Variants in TRIM52 observed in about 807,000 individuals in gnomAD.
TRIM52 encodes the protein E3 ubiquitin-protein ligase TRIM52.
Under a neutral mutation model 27.0 loss-of-function variants are expected in TRIM52, and 24 were observed. That is an observed-to-expected ratio of 0.89 (90% CI 0.64 to 1.25). TRIM52 has a LOEUF of 1.25. TRIM52 is among the 50% of genes most tolerant of loss of function. The probability of loss-of-function intolerance (pLI) is 0.00; values close to 1 mark genes in which losing one functional copy is unlikely to be tolerated. For synonymous variants in TRIM52, 125 were observed against 126.5 expected, an observed-to-expected ratio of 0.99 and a Z score of 0.08; for missense variants, 351 against 354.7, an observed-to-expected ratio of 0.99 and a Z score of 0.08.
At position 181,255,615 on chromosome 5, in the gene TRIM52, A is replaced by T. The variant is rs1759744236; in HGVS notation, c.*1194T>A. 6.6e-6 allele frequency: 1 copy of T among 152,212 alleles called. No individual in the cohort carries two copies. The highest frequency in any genetic ancestry group is 1.5e-5 in the Non-Finnish European group (1 of 68,034). The allele number at this position is 152,212 out of a possible 1,614,324, so 9.4% of individuals were successfully genotyped here. ...TTTTCCCTTCAAATAACACTCATGAATCTGGTCCTTGAAAGACTAGCCAAG... is the reference window on the plus strand; with the variant it reads ...TTTTCCCTTCAAATAACACTCATGATTCTGGTCCTTGAAAGACTAGCCAAG... On this transcript the variant is annotated 3_prime_UTR_variant, in exon 2 of 2. Coordinates refer to ENST00000688015, the MANE Select transcript of TRIM52 (RefSeq NM_001346048.2).
rs767808891 is a variant in TRIM52, at chr5:181,260,514, A to G, written c.300T>C (p.Asp100=). 6.2e-6 allele frequency: 10 copies of G among 1,613,194 alleles called. No homozygotes were observed. In the East Asian group the frequency reaches 2.0e-4, roughly 32 times the overall value. ...TGTCACCGAGCCAGAGTTCATCGTC[A>G]TCTTGGTCTTGGAACAACTCTTCGT... ...NADEELFQDQ[D]DDELWLGDSG... Residue 100 remains aspartate, a synonymous_variant, in exon 1 of 2, where the codon GAT becomes GAC. Transcript: ENST00000688015. This position sits in a 1 kb window ranked among gnomAD's most constrained non-coding sequence, Gnocchi z 4.4.
chr5:181,257,540 A>G (rs1172094041), intron 1 of TRIM52: 4 of 1,475,318 alleles, frequency 2.7e-6, no homozygotes, highest in Non-Finnish European at 3.8e-6. Flanking sequence ...AACAAAGTAT[A>G]TGAAAGATAA....
downstream of TRIM52, among the ~76,000 whole-genome samples, chr5:181,250,261 C>G (rs1000258615): frequency 6.6e-6 from 1 of 151,952 alleles, no homozygotes; most frequent in African/African-American, 2.4e-5. Flanking sequence ...GATGGCCGGG[C>G]GCGGTGGTTC....
chr5:181,261,064 T>A lies in TRIM52; in HGVS notation c.-251A>T. ...CCCCCAGCTGCTCGGTCCTGTCACG[T>A]CTCTCGCTACCCTCAGGGTGTGCCC... On this transcript the variant is annotated 5_prime_UTR_variant, in exon 1 of 2. Coordinates refer to ENST00000688015, the MANE Select transcript of TRIM52 (RefSeq NM_001346048.2). The A allele has an allele frequency of 2.0e-6, 1 of 500,712 alleles. No individual in the cohort carries two copies. The allele number at this position is 500,712 out of a possible 1,614,324, so 31.0% of individuals were successfully genotyped here. A position where few individuals can be genotyped will look rare whatever the true frequency, so the allele number is the denominator to read the frequency against.
chr5:181,259,881 T>C, intron 1 of TRIM52, 120 bp downstream of exon 1: 12 of 1,565,214 alleles, frequency 7.7e-6, no homozygotes, highest in Admixed American at 1.8e-5. Context: ...CCTCATCAAA[T>C]AAAGAGAAGT....
Position 181,256,767 on chromosome 5 carries a change from A to G in TRIM52, c.*42T>C. On this transcript the variant is annotated 3_prime_UTR_variant, in exon 2 of 2. Transcript: ENST00000688015. ...AGAATCGGGCTTTGCAGAACACTCC[A>G]CTGTTTTTAATGGCATGAATTTAAC... 2 of 973,916 alleles carry G rather than the reference A, an allele frequency of 2.1e-6. No homozygotes were observed. The highest frequency in any genetic ancestry group is 4.8e-5 in the South Asian group (1 of 21,010). The allele number at this position is 973,916 out of a possible 1,614,324, so 60.3% of individuals were successfully genotyped here.
At chr5:181,251,134 A>G (rs1759624862), downstream of TRIM52, among the ~76,000 whole-genome samples, 1 of 151,922 alleles carries the variant, frequency 6.6e-6, no homozygotes, top group Non-Finnish European at 1.5e-5. Flanking sequence ...ATTTTTTTAA[A>G]TATAAAAAAA....
Position 181,257,515 on chromosome 5 carries a change from T to A in TRIM52, c.814-656A>T, listed in dbSNP as rs749644394. 9 of 1,594,064 alleles carry A rather than the reference T, an allele frequency of 5.6e-6. No homozygotes were observed. In the South Asian group the frequency reaches 1.0e-4, roughly 18 times the overall value. ...ATTTCCTATATTATGAAAAATGAAG[T>A]TTTTTTAACATTGTAACAAAGTATA... On this transcript the variant is annotated intron_variant, in intron 1 of 1. Coordinates refer to ENST00000688015, the MANE Select transcript of TRIM52 (RefSeq NM_001346048.2).
chr5:181,257,599 G>T, intron 1 of TRIM52: 2 of 811,602 alleles, frequency 2.5e-6, no homozygotes, highest in Non-Finnish European at 1.8e-6. Flanking sequence ...TCCTTGTACT[G>T]TTAACTATTA....
At chr5:181,251,800 C>G (rs1214978673), downstream of TRIM52, among the ~76,000 whole-genome samples, 2 of 152,144 alleles carry the variant, frequency 1.3e-5, no homozygotes, top group African/African-American at 4.8e-5. Context: ...TAGATCTGTC[C>G]TCTCATTAAC....
chr5:181,260,165 G>A lies in TRIM52; in HGVS notation c.649C>T (p.Arg217Trp). Residue 217 changes from arginine to tryptophan, a missense_variant, in exon 1 of 2, where the codon CGG becomes TGG. By Grantham distance (101) the Arg-to-Trp change is moderately radical. Coordinates refer to ENST00000688015, the MANE Select transcript of TRIM52 (RefSeq NM_001346048.2). This position sits in a 1 kb window ranked among gnomAD's most constrained non-coding sequence, Gnocchi z 4.4. ...CCCTGATCATTACTCCGGTTTCCCC[G>A]ATAAGGAGTGGGGCACATCTGGCGA... Reference protein sequence around the residue: ...IIRQMCPTPYRGNRSNDQGMC... With the variant: ...IIRQMCPTPYWGNRSNDQGMC... The A allele has an allele frequency of 6.2e-6, 10 of 1,614,190 alleles. No individual in the cohort carries two copies. Among genetic ancestry groups the A allele is most frequent in the Non-Finnish European group, 8.5e-6 (10 of 1,180,038 alleles).
In TRIM52 at chr5:181,260,835, T is replaced by TA; in HGVS notation, c.-23dup. 1.9e-6 allele frequency: 3 copies of TA among 1,562,558 alleles called. No homozygotes were observed. The South Asian group carries it at 3.6e-5, about 19-fold the overall frequency. On this transcript the variant is annotated 5_prime_UTR_variant, in exon 1 of 2. Coordinates refer to ENST00000688015, the MANE Select transcript of TRIM52 (RefSeq NM_001346048.2). This position sits in a 1 kb window ranked among gnomAD's most constrained non-coding sequence, Gnocchi z 4.4. The stretch of plus-strand genomic sequence containing the variant: ...CCATCTTAATGCCCGCCGGCAGGTG[T>TA]AGATACGTCAGCTTGGAGCTGAGGA...
downstream of TRIM52, among the ~76,000 whole-genome samples, chr5:181,250,873 G>A (rs1055332439): frequency 2.0e-5 from 3 of 152,180 alleles, no homozygotes; most frequent in Admixed American, 1.3e-4. Context: ...AGAAAAAGGG[G>A]ATGTGAGCTC....
Position 181,260,575 on chromosome 5 carries a change from C to T in TRIM52, c.239G>A (p.Gly80Asp), listed in dbSNP as rs746614712. 6.8e-6 allele frequency: 11 copies of T among 1,613,878 alleles called. No homozygotes were observed. The African/African-American group carries it at 1.5e-4, about 22-fold the overall frequency. ...CCGATACAACACCTCTCGAATGGAG[C>T]CGTCCCATCCATCCATGGCCCCCAC... ...EAVGAMDGWD[G>D]SIREVLYRGN... Residue 80 changes from glycine to aspartate, a missense_variant, in exon 1 of 2, where the codon GGC (glycine) becomes GAC (aspartate). Gly to Asp is a moderately conservative substitution (Grantham distance 94). Coordinates refer to ENST00000688015, the MANE Select transcript of TRIM52 (RefSeq NM_001346048.2). The surrounding 1 kb of genome is among the most constrained non-coding windows in gnomAD (Gnocchi z 4.4).
chr5:181,259,624 C>A (rs1201796347), intron 1 of TRIM52: 1 of 295,604 alleles, frequency 3.4e-6, no homozygotes, highest in East Asian at 8.4e-5. Context: ...CTGTGGCTTT[C>A]TATTCCTATC....
chr5:181,259,915 G>T lies in TRIM52; in HGVS notation c.813+86C>A, dbSNP rs984709203. On this transcript the variant is annotated intron_variant, in intron 1 of 1. Transcript: ENST00000688015. ...GTTTAGCAACTAAGTACCTGAGGAG[G>T]TGGGAAAGGAATGCTACTCATTCCT... is the stretch of plus-strand genomic sequence containing the variant. 7 of 1,601,670 alleles carry T rather than the reference G, an allele frequency of 4.4e-6. No homozygotes were observed. The African/African-American group carries it at 8.1e-5, about 18-fold the overall frequency.
chr5:181,258,475 T>C (rs981584472), intron 1 of TRIM52: 1 of 152,206 alleles, frequency 6.6e-6, no homozygotes, highest in East Asian at 1.9e-4. Flanking sequence ...GGACATAAGT[T>C]TTTTCCATGG....
chr5:181,249,837 T>G (rs577820334), downstream of TRIM52, among the ~76,000 whole-genome samples: 5 of 149,644 alleles, frequency 3.3e-5, no homozygotes, highest in South Asian at 4.3e-4. Flanking sequence ...GTTTTTTTTT[T>G]TTTTTTTTTT....
Position 181,261,065 on chromosome 5 carries a change from C to T in TRIM52, c.-252G>A, listed in dbSNP as rs538298236. 1 of 499,150 alleles carries T rather than the reference C, an allele frequency of 2.0e-6. No homozygotes were observed. The highest frequency in any genetic ancestry group is 3.5e-6 in the Non-Finnish European group (1 of 283,244). The allele number at this position is 499,150 out of a possible 1,614,324, so 30.9% of individuals were successfully genotyped here. On this transcript the variant is annotated 5_prime_UTR_variant, in exon 1 of 2. Coordinates refer to ENST00000688015, the MANE Select transcript of TRIM52 (RefSeq NM_001346048.2). ...CCCCAGCTGCTCGGTCCTGTCACGT[C>T]TCTCGCTACCCTCAGGGTGTGCCCT...
Sources: allele counts gnomAD v4.1 joint callset (sites outside exome capture counted in the v4.1 genomes callset), GRCh38; gene constraint gnomAD v4.1.1; non-coding constraint Gnocchi (gnomAD v3.1); transcripts MANE v1.5; gene names NCBI Gene and HGNC (gene_info 2026-07-23, HGNC 2026-07-21).